TSNARE1: variants seen among roughly 807,000 people sequenced by gnomAD.
The protein encoded by TSNARE1 is t-SNARE domain containing 1, also known as t-SNARE domain-containing protein 1.
In TSNARE1, 49 loss-of-function variants were observed where a neutral mutation model predicts 62.0. The ratio of observed to expected loss-of-function variants is 0.79; its 90% confidence interval spans 0.63 to 1.00. The LOEUF (loss-of-function observed/expected upper bound fraction) is 1.00, where lower values mean the gene tolerates loss of function less well. Among genes scored for constraint, TSNARE1 ranks in the 50% least tolerant of loss-of-function variants. The probability of loss-of-function intolerance (pLI) is 0.00; values close to 1 mark genes in which losing one functional copy is unlikely to be tolerated. For synonymous variants in TSNARE1, 328 were observed against 294.4 expected (o/e 1.11, Z -1.17); for missense variants, 755 against 700.1 (o/e 1.08, Z -0.88).
intron 10 of TSNARE1, among the ~76,000 whole-genome samples, chr8:142,293,281 C>A (rs1290014610): frequency 6.6e-6 from 1 of 152,232 alleles, no homozygotes; most frequent in Non-Finnish European, 1.5e-5. Context: ...AGAGCTTGGC[C>A]GCATTCCCGA....
chr8:142,288,847 A>G (rs1823268410), intron 10 of TSNARE1, among the ~76,000 whole-genome samples: 1 of 152,258 alleles, frequency 6.6e-6, no homozygotes, highest in Non-Finnish European at 1.5e-5. Context: ...ACAGACTCCA[A>G]GCCTTCAGTG....
At chr8:142,391,887 G>A (rs1161104446) in intron 1 of TSNARE1, among the ~76,000 whole-genome samples, 2 of 152,196 alleles carry the variant, frequency 1.3e-5, no homozygotes, top group African/African-American at 4.8e-5. Context: ...CTGAGTGGGC[G>A]GAACAAGCCT....
At chr8:142,213,894 A>G (rs1393461737) in intron 13 of TSNARE1, among the ~76,000 whole-genome samples, 1 of 152,114 alleles carries the variant, frequency 6.6e-6, no homozygotes, top group East Asian at 1.9e-4. Context: ...CCCCCCAGGA[A>G]GCCCTGGCCT....
intron 12 of TSNARE1, among the ~76,000 whole-genome samples, chr8:142,247,011 T>C (rs975350589): frequency 6.6e-6 from 1 of 152,230 alleles, no homozygotes; most frequent in Admixed American, 6.5e-5. Context: ...TGCCAGGTGC[T>C]GCGACCAGCT....
At chr8:142,397,710 G>A (rs1837994622) in intron 1 of TSNARE1, among the ~76,000 whole-genome samples, 1 of 152,164 alleles carries the variant, frequency 6.6e-6, no homozygotes, top group Non-Finnish European at 1.5e-5. Flanking sequence ...TGCTGGGGAG[G>A]GCTCGAGCCT....
chr8:142,375,303 G>A (rs1350202196), intron 1 of TSNARE1, among the ~76,000 whole-genome samples: 1 of 152,260 alleles, frequency 6.6e-6, no homozygotes, highest in East Asian at 1.9e-4. Flanking sequence ...CCAGGGCCTG[G>A]CCTGTGCTGG....
intron 1 of TSNARE1, among the ~76,000 whole-genome samples, chr8:142,375,623 G>T (rs150291729): frequency 6.6e-6 from 1 of 152,370 alleles, no homozygotes; most frequent in Non-Finnish European, 1.5e-5. Context: ...TCACCACAGT[G>T]CACACTGCAT....
chr8:142,337,623 A>C (rs1831935125), intron 4 of TSNARE1, among the ~76,000 whole-genome samples: 5 of 152,192 alleles, frequency 3.3e-5, no homozygotes, highest in Admixed American at 3.3e-4. Context: ...GGCCTCCTCC[A>C]AGCACTGCCT....
At chr8:142,400,654 G>A (rs1024266851) in intron 1 of TSNARE1, among the ~76,000 whole-genome samples, 7 of 152,146 alleles carry the variant, frequency 4.6e-5, no homozygotes, top group African/African-American at 1.4e-4. Flanking sequence ...GCAGGACTCC[G>A]TGTCAAAAAA....
At chr8:142,350,895 G>GT (rs1834011694) in intron 2 of TSNARE1, among the ~76,000 whole-genome samples, 1 of 152,230 alleles carries the variant, frequency 6.6e-6, no homozygotes, top group Non-Finnish European at 1.5e-5. Flanking sequence ...TAGGTCAGCT[G>GT]TAACACGGGA....
chr8:142,260,072 T>C (rs1483609609), intron 12 of TSNARE1, among the ~76,000 whole-genome samples: 1 of 151,752 alleles, frequency 6.6e-6, no homozygotes, highest in African/African-American at 2.4e-5. Context: ...CACAGTTAAG[T>C]GTCTCTTCCT....
intron 4 of TSNARE1, among the ~76,000 whole-genome samples, chr8:142,342,128 T>C (rs549433649): frequency 6.6e-6 from 1 of 152,012 alleles, no homozygotes; most frequent in African/African-American, 2.4e-5. Context: ...AAAGAGGGGC[T>C]CCCCCACGGC....
intron 12 of TSNARE1, among the ~76,000 whole-genome samples, chr8:142,248,502 C>T (rs1383452287): frequency 6.6e-6 from 1 of 152,192 alleles, no homozygotes; most frequent in South Asian, 2.1e-4. Context: ...CTCTGTCTAG[C>T]TCCCAGGCTG....
At chr8:142,293,857 A>C (rs1824231562) in intron 10 of TSNARE1, among the ~76,000 whole-genome samples, 1 of 152,216 alleles carries the variant, frequency 6.6e-6, no homozygotes, top group Non-Finnish European at 1.5e-5. Flanking sequence ...GCAAGCAGGA[A>C]GTGGGGCTGC....
rs374355714 is a variant in TSNARE1 at position 142,298,616 on chromosome 8, G to A, written c.1290+1870C>T. On this transcript the variant is annotated intron_variant, in intron 10 of 13. Coordinates refer to ENST00000524325, the MANE Select transcript of TSNARE1 (RefSeq NM_145003.5). The stretch of plus-strand genomic sequence containing the variant: ...GCCCTCTAACGGCCTCCTCATGCCC[G>A]CAGCCCTCTGTGGGGGTTTGGGCTT... 3.3e-5 allele frequency among the ~76,000 whole-genome samples: 5 copies of A among 152,302 alleles called. No homozygotes were observed. The East Asian group carries it at 7.7e-4, about 24-fold the overall frequency.
upstream of TSNARE1, chr8:142,403,365 T>C (rs7001793): frequency 0.84 from 128,021 of 152,080 alleles, 53,971 homozygotes; most frequent in African/African-American, 0.86. Context: ...CTGTCCTCAC[T>C]TGCCTGGTGG....
In TSNARE1 at chr8:142,234,368, G is replaced by A. The variant is rs180904643; in HGVS notation, c.1447-4789C>T. Reference sequence around the variant, plus strand: ...GGTTCAGGGAAGGTTCCAAGATGGCGCCATGACCACCACCATGGGTTCAGG... The same window carrying A: ...GGTTCAGGGAAGGTTCCAAGATGGCACCATGACCACCACCATGGGTTCAGG... On this transcript the variant is annotated intron_variant, in intron 12 of 13. Coordinates refer to ENST00000524325, the MANE Select transcript of TSNARE1 (RefSeq NM_145003.5). Among the ~76,000 whole-genome samples the A allele has an allele frequency of 7.3e-3, 1,076 of 146,928 alleles. 12 individuals are homozygous for A. The highest frequency in any genetic ancestry group is 0.025 in the African/African-American group (997 of 39,242).
intron 1 of TSNARE1, among the ~76,000 whole-genome samples, chr8:142,380,736 G>A (rs1185665484): frequency 6.6e-6 from 1 of 152,166 alleles, no homozygotes; most frequent in Non-Finnish European, 1.5e-5. Flanking sequence ...AAGACTGCAA[G>A]GAGAAAACGC....
intron 4 of TSNARE1, among the ~76,000 whole-genome samples, chr8:142,333,368 G>A (rs920905742): frequency 2.0e-5 from 3 of 152,218 alleles, no homozygotes; most frequent in Admixed American, 6.5e-5. Context: ...TGGCAGCTAC[G>A]TGGGTGTCGG....
Sources: gnomAD v4.1 joint callset for allele counts (sites outside exome capture counted in the v4.1 genomes callset) on GRCh38, gnomAD v4.1.1 for gene constraint, MANE v1.5 for transcripts, NCBI Gene and HGNC (gene_info 2026-07-23, HGNC 2026-07-21) for gene names.